The following EXOC4 variants were observed in gnomAD, a reference collection of about 807,000 sequenced individuals.
The protein encoded by EXOC4 is exocyst complex component 4.
In EXOC4, 71 loss-of-function variants were observed where a neutral mutation model predicts 107.2. The observed-to-expected ratio is 0.66, with a 90% CI of 0.55 to 0.81. The LOEUF is 0.81. EXOC4 is among the 30% of genes least tolerant of loss of function. The pLI is 0.00. For missense variants in EXOC4, 1,108 were observed against 1,189.6 expected, an observed-to-expected ratio of 0.93 and a Z score of 1.01; for synonymous variants, 456 against 441.2, an observed-to-expected ratio of 1.03 and a Z score of -0.42.
rs985026167 is a variant in EXOC4, at chr7:133,823,687, G to A, written c.1734+6143G>A. Among the ~76,000 whole-genome samples, 8 of 149,354 alleles carry A rather than the reference G, an allele frequency of 5.4e-5. No individual in the cohort carries two copies. In the East Asian group the frequency reaches 1.2e-3, roughly 22 times the overall value. On this transcript the variant is annotated intron_variant, in intron 11 of 17. Transcript: ENST00000253861. ...AAAAATTAGCCAGGTGTGGTGGTAAGTACCTGTAGTCTCAGCTACTTGAGA... is the reference window on the plus strand; with the variant it reads ...AAAAATTAGCCAGGTGTGGTGGTAAATACCTGTAGTCTCAGCTACTTGAGA...
At chr7:133,824,715 G>A (rs1200125239) in intron 11 of EXOC4, among the ~76,000 whole-genome samples, 2 of 152,084 alleles carry the variant, frequency 1.3e-5, no homozygotes, top group East Asian at 3.9e-4. Context: ...GACTCTTTCA[G>A]CTTCTGGTGG....
At chr7:133,999,831 A>G (rs1794490521) in intron 15 of EXOC4, among the ~76,000 whole-genome samples, 1 of 152,132 alleles carries the variant, frequency 6.6e-6, no homozygotes. Context: ...GATCTTTTAA[A>G]TCCTTAACCC....
intron 10 of EXOC4, among the ~76,000 whole-genome samples, chr7:133,807,601 TAAAG>T (rs958012995): frequency 1.8e-4 from 28 of 151,914 alleles, no homozygotes; most frequent in Admixed American, 9.2e-4. Flanking sequence ...GAAAAAAAAA[TAAAG>T]AAAGAAAGAA....
rs183126375 is a variant in EXOC4, at chr7:133,947,423, A to G, written c.2206+9354A>G. Among the ~76,000 whole-genome samples the G allele has an allele frequency of 3.1e-3, 470 of 152,294 alleles. 4 individuals are homozygous for G. Among genetic ancestry groups the G allele is most frequent in the Non-Finnish European group, 2.6e-3 (179 of 68,028 alleles). ...CACCAGAGCTCCCAAAATGTTTCTGAGGTCATGGAAGTGTGTCTGAGAATG... is the reference window on the plus strand; with the variant it reads ...CACCAGAGCTCCCAAAATGTTTCTGGGGTCATGGAAGTGTGTCTGAGAATG... On this transcript the variant is annotated intron_variant, in intron 14 of 17. Coordinates refer to ENST00000253861, the MANE Select transcript of EXOC4 (RefSeq NM_021807.4).
In EXOC4 at chr7:133,477,781, C is replaced by T. The variant is rs574080970; in HGVS notation, c.1329-2269C>T. Among the ~76,000 whole-genome samples, 16 of 152,302 alleles carry T rather than the reference C, an allele frequency of 1.1e-4. 1 individual carries two copies. Among genetic ancestry groups the T allele is most frequent in the South Asian group, 2.1e-4 (1 of 4,828 alleles). On this transcript the variant is annotated intron_variant, in intron 8 of 17. Coordinates refer to ENST00000253861, the MANE Select transcript of EXOC4 (RefSeq NM_021807.4). Reference sequence around the variant, plus strand: ...TTAAATCTTTTTAAATTAGTACTTACGAATTATCAGTTTATTAATCATTTC... The same window carrying T: ...TTAAATCTTTTTAAATTAGTACTTATGAATTATCAGTTTATTAATCATTTC...
At chr7:133,875,563 C>T (rs17167317) in intron 11 of EXOC4, among the ~76,000 whole-genome samples, 17,825 of 152,094 alleles carry the variant, frequency 0.12, 1,160 homozygotes, top group Middle Eastern at 0.15. Flanking sequence ...CTGTGCTTCC[C>T]GAGGCTGGTC....
At chr7:133,698,230 G>T (rs546231340) in intron 10 of EXOC4, among the ~76,000 whole-genome samples, 2 of 152,080 alleles carry the variant, frequency 1.3e-5, no homozygotes, top group African/African-American at 4.8e-5. Context: ...GGGGAATCCT[G>T]GTCTATTGTT....
chr7:134,068,757 G>C (rs1387357331), downstream of EXOC4, among the ~76,000 whole-genome samples: 1 of 152,044 alleles, frequency 6.6e-6, no homozygotes, highest in African/African-American at 2.4e-5. Context: ...TGAGCCCGAC[G>C]GTCCTTATTT....
chr7:133,450,670 C>G lies in EXOC4; in HGVS notation c.1183-24658C>G, dbSNP rs117710363. 2.2e-3 allele frequency among the ~76,000 whole-genome samples: 340 copies of G among 152,290 alleles called. 2 individuals carry two copies. Among genetic ancestry groups the G allele is most frequent in the Admixed American group, 0.01 (157 of 15,304 alleles). ...TCAATTTCATGTACACATATGCCAGCTCAACTCCTTGTTACCATATAATGC... is the reference window on the plus strand; with the variant it reads ...TCAATTTCATGTACACATATGCCAGGTCAACTCCTTGTTACCATATAATGC... On this transcript the variant is annotated intron_variant, in intron 7 of 17. Transcript: ENST00000253861.
chr7:133,839,883 C>T (rs188634142), intron 11 of EXOC4, among the ~76,000 whole-genome samples: 1 of 152,306 alleles, frequency 6.6e-6, no homozygotes, highest in Admixed American at 6.5e-5. Context: ...AGCACAGTCT[C>T]AGACACTGGG....
intron 17 of EXOC4, among the ~76,000 whole-genome samples, chr7:134,013,759 G>C (rs1344449987): frequency 6.6e-6 from 1 of 152,098 alleles, no homozygotes; most frequent in Non-Finnish European, 1.5e-5. Context: ...TATACAGGTG[G>C]CTAATTCATA....
chr7:134,003,933 C>A (rs1181423108), intron 15 of EXOC4, among the ~76,000 whole-genome samples: 1 of 152,138 alleles, frequency 6.6e-6, no homozygotes, highest in Admixed American at 6.6e-5. Context: ...TGTGACCAGA[C>A]TGACACAGGC....
downstream of EXOC4, among the ~76,000 whole-genome samples, chr7:134,068,994 G>A (rs1419627323): frequency 6.6e-6 from 1 of 152,062 alleles, no homozygotes; most frequent in Non-Finnish European, 1.5e-5. Context: ...TACTTCCACT[G>A]GCTTCTTACA....
chr7:133,636,028 T>A (rs542832824), intron 10 of EXOC4, among the ~76,000 whole-genome samples: 23 of 152,110 alleles, frequency 1.5e-4, no homozygotes, highest in Non-Finnish European at 2.9e-4. Flanking sequence ...GTGCATTGTA[T>A]GAGAGAGAGA....
At chr7:133,585,507 G>A (rs1319234029) in intron 9 of EXOC4, among the ~76,000 whole-genome samples, 1 of 151,992 alleles carries the variant, frequency 6.6e-6, no homozygotes, top group African/African-American at 2.4e-5. Flanking sequence ...CACACCTGTG[G>A]TCCCAGTTAC....
intron 11 of EXOC4, among the ~76,000 whole-genome samples, chr7:133,842,795 C>G (rs903534165): frequency 6.6e-6 from 1 of 152,132 alleles, no homozygotes; most frequent in Admixed American, 6.5e-5. Flanking sequence ...TTTAATCCAT[C>G]TTGAGTTGAT....
At chr7:133,490,914 C>T (rs960743746) in intron 9 of EXOC4, among the ~76,000 whole-genome samples, 1 of 152,146 alleles carries the variant, frequency 6.6e-6, no homozygotes, top group African/African-American at 2.4e-5. Flanking sequence ...CTTATTATAG[C>T]ATATTATATT....
intron 10 of EXOC4, among the ~76,000 whole-genome samples, chr7:133,790,873 C>T (rs1227949237): frequency 6.6e-6 from 1 of 152,194 alleles, no homozygotes; most frequent in Non-Finnish European, 1.5e-5. Context: ...ATTAAACTCA[C>T]TTAGAAAATA....
chr7:133,380,522 C>T (rs1460814919), intron 7 of EXOC4, among the ~76,000 whole-genome samples: 2 of 152,168 alleles, frequency 1.3e-5, no homozygotes, highest in East Asian at 3.8e-4. Flanking sequence ...TCATATCCCA[C>T]TCCCTTTACC....
Sources: allele counts gnomAD v4.1 joint callset (sites outside exome capture counted in the v4.1 genomes callset), GRCh38; gene constraint gnomAD v4.1.1; transcripts MANE v1.5; gene names NCBI Gene and HGNC (gene_info 2026-07-23, HGNC 2026-07-21).